Variants in PLGRKT observed in about 807,000 individuals in gnomAD.
The protein encoded by PLGRKT is plasminogen receptor (KT).
Under a neutral mutation model 18.5 loss-of-function variants are expected in PLGRKT, and 22 were observed. The ratio of observed to expected loss-of-function variants is 1.19; its 90% CI spans 0.85 to 1.70. The LOEUF is 1.70. PLGRKT is among the 40% of genes most tolerant of loss of function. The probability of loss-of-function intolerance (pLI) is 0.00; values close to 1 mark genes in which losing one functional copy is unlikely to be tolerated. For missense variants in PLGRKT, 235 were observed against 174.4 expected, an observed-to-expected ratio of 1.35 and a Z score of -1.96; for synonymous variants, 72 against 52.8, an observed-to-expected ratio of 1.36 and a Z score of -1.58.
Position 5,371,133 on chromosome 9 carries a change from T to A in PLGRKT, c.82-9245A>T, listed in dbSNP as rs116619933. On this transcript the variant is annotated intron_variant, in intron 3 of 5. Transcript: ENST00000223864. ...TATTATAAACAATAAGGTTGCCATA[T>A]GTAAAAATGAGAATTTCAGTTTGGC... Among the ~76,000 whole-genome samples, 225 of 152,324 alleles carry A rather than the reference T, an allele frequency of 1.5e-3. 1 individual carries two copies. The highest frequency in any genetic ancestry group is 4.9e-3 in the African/African-American group (204 of 41,562).
Position 5,418,236 on chromosome 9 carries a change from A to T in PLGRKT, c.81+13661T>A, listed in dbSNP as rs1210614370. Reference sequence around the variant, plus strand: ...CTTCATGTCTGTCTTGCGGTAAATCAAGAGGCAAACCAGAGGCCAGCTCTC... The same window carrying T: ...CTTCATGTCTGTCTTGCGGTAAATCTAGAGGCAAACCAGAGGCCAGCTCTC... On this transcript the variant is annotated intron_variant, in intron 3 of 5. Coordinates refer to ENST00000223864, the MANE Select transcript of PLGRKT (RefSeq NM_018465.4). This position sits in a 1 kb window ranked among gnomAD's most constrained non-coding sequence, Gnocchi z 4.2. 1.1e-5 allele frequency: 4 copies of T among 352,540 alleles called. No homozygotes were observed. Among genetic ancestry groups the T allele is most frequent in the Non-Finnish European group, 1.6e-5 (3 of 185,230 alleles). 21.8% of individuals were successfully genotyped at this position (352,540 alleles called of 1,614,324 possible).
chr9:5,432,506 C>A (rs905733699), intron 2 of PLGRKT, among the ~76,000 whole-genome samples: 2 of 151,786 alleles, frequency 1.3e-5, no homozygotes, highest in African/African-American at 4.8e-5. Context: ...CCTCCCCCTC[C>A]CCCTCCCTCT....
intron 3 of PLGRKT, among the ~76,000 whole-genome samples, chr9:5,414,691 C>G (rs1372033210): frequency 3.3e-5 from 5 of 152,140 alleles, no homozygotes; most frequent in African/African-American, 1.2e-4. Flanking sequence ...ACAAAAGGAA[C>G]ATGCAAATAA....
At position 5,418,491 on chromosome 9, in the gene PLGRKT, GC is replaced by G; in HGVS notation, c.81+13405del. 1 of 1,111,896 alleles carries G rather than the reference GC, an allele frequency of 9.0e-7. No individual in the cohort carries two copies. Among genetic ancestry groups the G allele is most frequent in the South Asian group, 1.2e-5 (1 of 81,404 alleles). 68.9% of individuals were successfully genotyped at this position (1,111,896 alleles called of 1,614,324 possible). On this transcript the variant is annotated intron_variant, in intron 3 of 5. Coordinates refer to ENST00000223864, the MANE Select transcript of PLGRKT (RefSeq NM_018465.4). The surrounding 1 kb of genome is among the most constrained non-coding windows in gnomAD (Gnocchi z 4.2). ...CAGTGCACACCCTCAACCACATGGA[GC>G]TTTTCACCATGCCCCGCCTGTCCTG...
intron 3 of PLGRKT, among the ~76,000 whole-genome samples, chr9:5,368,337 C>T (rs941959286): frequency 4.6e-5 from 7 of 152,154 alleles, no homozygotes; most frequent in Admixed American, 1.3e-4. Flanking sequence ...AACCTAGGTG[C>T]CCATCAATGG....
At chr9:5,385,605 C>T (rs559467727) in intron 3 of PLGRKT, among the ~76,000 whole-genome samples, 1 of 151,890 alleles carries the variant, frequency 6.6e-6, no homozygotes, top group South Asian at 2.1e-4. Flanking sequence ...TGCCACTCTT[C>T]AGTACCTGTG....
At chr9:5,366,808 T>A (rs946324580) in intron 3 of PLGRKT, among the ~76,000 whole-genome samples, 1 of 151,860 alleles carries the variant, frequency 6.6e-6, no homozygotes, top group African/African-American at 2.4e-5. Flanking sequence ...AGTCAAATAA[T>A]CCCTCCTCAC....
intron 3 of PLGRKT, among the ~76,000 whole-genome samples, chr9:5,363,010 G>T (rs1817300710): frequency 6.6e-6 from 1 of 151,976 alleles, no homozygotes; most frequent in African/African-American, 2.4e-5. Context: ...ACAGCCAAGG[G>T]GTGTGGAGGA....
intron 5 of PLGRKT, among the ~76,000 whole-genome samples, chr9:5,360,602 C>G (rs1817241817): frequency 6.6e-6 from 1 of 152,158 alleles, no homozygotes; most frequent in Admixed American, 6.5e-5. Flanking sequence ...AGACCAACTT[C>G]AGGCTACCAA....
chr9:5,433,609 G>A (rs1392999415), intron 2 of PLGRKT, among the ~76,000 whole-genome samples: 13 of 132,744 alleles, frequency 9.8e-5, no homozygotes, highest in African/African-American at 3.2e-4. Context: ...CTGCCTGAGC[G>A]CCCATCGTCT....
intron 3 of PLGRKT, among the ~76,000 whole-genome samples, chr9:5,393,720 G>T (rs1563777296): frequency 6.6e-6 from 1 of 151,650 alleles, no homozygotes; most frequent in Admixed American, 6.6e-5. Context: ...TTTTTAATAA[G>T]CTGGGAATAA....
intron 3 of PLGRKT, among the ~76,000 whole-genome samples, chr9:5,405,322 A>G (rs542006167): frequency 6.6e-6 from 1 of 152,234 alleles, no homozygotes; most frequent in Non-Finnish European, 1.5e-5. Context: ...CAAAAAGAAC[A>G]AAGCTGGAGG....
intron 3 of PLGRKT, among the ~76,000 whole-genome samples, chr9:5,408,096 T>C (rs1207864633): frequency 6.6e-6 from 1 of 152,160 alleles, no homozygotes; most frequent in Non-Finnish European, 1.5e-5. Flanking sequence ...AGAAAAAAAG[T>C]TTTATTTTAG....
chr9:5,369,928 G>A (rs2040181832), intron 3 of PLGRKT, among the ~76,000 whole-genome samples: 2 of 151,768 alleles, frequency 1.3e-5, no homozygotes, highest in South Asian at 4.1e-4. Flanking sequence ...TCACACACCA[G>A]GGCCTGTCAT....
intron 3 of PLGRKT, among the ~76,000 whole-genome samples, chr9:5,411,237 A>T (rs575937185): frequency 6.6e-6 from 1 of 151,906 alleles, no homozygotes; most frequent in Admixed American, 6.6e-5. Context: ...TACAAAAATT[A>T]GCCGGGCCAC....
chr9:5,418,933 A>C lies in PLGRKT; in HGVS notation c.81+12964T>G. The C allele has an allele frequency of 2.5e-6, 2 of 789,176 alleles. No homozygotes were observed. Among genetic ancestry groups the C allele is most frequent in the Non-Finnish European group, 4.2e-6 (2 of 476,698 alleles). 48.9% of individuals were successfully genotyped at this position (789,176 alleles called of 1,614,324 possible). On this transcript the variant is annotated intron_variant, in intron 3 of 5. Transcript: ENST00000223864. This position sits in a 1 kb window ranked among gnomAD's most constrained non-coding sequence, Gnocchi z 4.2. ...CTTCACTAGGGGCTGCAGTAATTAAAACAGATCTGACATTCTAGCAGAGTC... is the reference window on the plus strand; with the variant it reads ...CTTCACTAGGGGCTGCAGTAATTAACACAGATCTGACATTCTAGCAGAGTC...
In PLGRKT at chr9:5,418,760, C is replaced by T. The variant is rs1166692652; in HGVS notation, c.81+13137G>A. 11 of 712,134 alleles carry T rather than the reference C, an allele frequency of 1.5e-5. No homozygotes were observed. Among genetic ancestry groups the T allele is most frequent in the South Asian group, 4.9e-5 (3 of 61,590 alleles). The allele number at this position is 712,134 out of a possible 1,614,324, so 44.1% of individuals were successfully genotyped here. A position where few individuals can be genotyped will look rare whatever the true frequency, so the allele number is the denominator to read the frequency against. ...GGAATGGTGATGACAGCCAGGACCTCGGGGTCGTCGAGGAGCTGCGACACG... is the reference window on the plus strand; with the variant it reads ...GGAATGGTGATGACAGCCAGGACCTTGGGGTCGTCGAGGAGCTGCGACACG... On this transcript the variant is annotated intron_variant, in intron 3 of 5. Transcript: ENST00000223864. The surrounding 1 kb of genome is among the most constrained non-coding windows in gnomAD (Gnocchi z 4.2).
chr9:5,398,813 C>A (rs1398923362), intron 3 of PLGRKT, among the ~76,000 whole-genome samples: 1 of 151,828 alleles, frequency 6.6e-6, no homozygotes, highest in Non-Finnish European at 1.5e-5. Flanking sequence ...GTGATGGGGT[C>A]AGAACAAGTC....
At chr9:5,428,187 G>C (rs1818739773) in intron 3 of PLGRKT, among the ~76,000 whole-genome samples, 2 of 152,286 alleles carry the variant, frequency 1.3e-5, no homozygotes, top group Middle Eastern at 3.4e-3. Flanking sequence ...TCAGAAACTT[G>C]TCTGTTGAGC....
Sources: allele counts gnomAD v4.1 joint callset (sites outside exome capture counted in the v4.1 genomes callset), GRCh38; gene constraint gnomAD v4.1.1; non-coding constraint Gnocchi (gnomAD v3.1); transcripts MANE v1.5; gene names NCBI Gene and HGNC (gene_info 2026-07-23, HGNC 2026-07-21).